MTHFD1L: variants seen among roughly 807,000 people sequenced by gnomAD.
MTHFD1L encodes the protein methylenetetrahydrofolate dehydrogenase (NADP+ dependent) 1 like, also known as monofunctional C1-tetrahydrofolate synthase, mitochondrial.
A neutral mutation model predicts 119.5 loss-of-function variants in MTHFD1L; 81 were observed. That is an observed-to-expected ratio of 0.68 (90% CI 0.57 to 0.82). The LOEUF (loss-of-function observed/expected upper bound fraction) is 0.82. MTHFD1L is among the 40% of genes least tolerant of loss of function. MTHFD1L has a pLI of 0.00. For synonymous variants in MTHFD1L, 430 were observed against 475.2 expected, an observed-to-expected ratio of 0.90 and a Z score of 1.24; for missense variants, 1,125 against 1,253.4, an observed-to-expected ratio of 0.90 and a Z score of 1.55.
chr6:150,960,124 A>T, intron 17 of MTHFD1L, 151 bp from the exon 18 acceptor site: 1 of 1,078,650 alleles, frequency 9.3e-7, no homozygotes, highest in Admixed American at 2.5e-5. Flanking sequence ...TGGTCCAGAC[A>T]CGCAGAAAAC....
chr6:150,932,996 A>G (rs923658612), intron 11 of MTHFD1L, among the ~76,000 whole-genome samples: 1 of 152,130 alleles, frequency 6.6e-6, no homozygotes, highest in African/African-American at 2.4e-5. Context: ...TGGGGGGAAA[A>G]CTAAACCAAA....
At chr6:151,050,537 A>C (rs1788855152) in intron 26 of MTHFD1L, among the ~76,000 whole-genome samples, 1 of 152,232 alleles carries the variant, frequency 6.6e-6, no homozygotes, top group South Asian at 2.1e-4. Flanking sequence ...CCAGCAAATT[A>C]ATCAAACCCA....
intron 26 of MTHFD1L, among the ~76,000 whole-genome samples, chr6:151,087,871 G>T (rs1355704468): frequency 6.6e-6 from 1 of 152,204 alleles, no homozygotes; most frequent in Non-Finnish European, 1.5e-5. Flanking sequence ...CAAAAGCCCA[G>T]GTATTTCAGC....
At chr6:150,966,315 GGA>G (rs1797209149) in intron 19 of MTHFD1L, among the ~76,000 whole-genome samples, 1 of 152,248 alleles carries the variant, frequency 6.6e-6, no homozygotes, top group Admixed American at 6.5e-5. Context: ...TGGCAGAACA[GGA>G]GAGAGAGGGC....
intron 7 of MTHFD1L, among the ~76,000 whole-genome samples, chr6:150,893,127 C>T (rs1028128604): frequency 3.9e-5 from 6 of 152,132 alleles, no homozygotes; most frequent in Non-Finnish European, 7.4e-5. Context: ...TGCAGTGGCG[C>T]GATCTCGGCT....
At chr6:151,017,408 A>T (rs950993157) in intron 24 of MTHFD1L, among the ~76,000 whole-genome samples, 1 of 151,118 alleles carries the variant, frequency 6.6e-6, no homozygotes, top group African/African-American at 2.4e-5. Context: ...GTGCAGAGGC[A>T]CCATCTCAGC....
chr6:151,046,668 CTCTTTCTTCTATG>C (rs1056154669), intron 26 of MTHFD1L, among the ~76,000 whole-genome samples: 7 of 151,894 alleles, frequency 4.6e-5, no homozygotes, highest in Non-Finnish European at 7.4e-5. Flanking sequence ...CATGGAATTG[CTCTTTCTTCTATG>C]TCTCTTAGTT....
intron 26 of MTHFD1L, among the ~76,000 whole-genome samples, chr6:151,084,200 G>A (rs1366585194): frequency 1.3e-5 from 2 of 152,066 alleles, no homozygotes; most frequent in Non-Finnish European, 2.9e-5. Flanking sequence ...AAAGAATCAA[G>A]ACAAAAGAAA....
intron 21 of MTHFD1L, among the ~76,000 whole-genome samples, 174 bp from the exon 22 acceptor site, chr6:151,013,605 A>G (rs904384655): frequency 3.3e-5 from 5 of 152,164 alleles, no homozygotes; most frequent in African/African-American, 1.2e-4. Flanking sequence ...GTGTTTTCTA[A>G]AAGCTTCCCG....
chr6:150,966,266 CA>C (rs1418687507), intron 19 of MTHFD1L, among the ~76,000 whole-genome samples: 1 of 152,088 alleles, frequency 6.6e-6, no homozygotes, highest in Non-Finnish European at 1.5e-5. Flanking sequence ...GGAAACTTAT[CA>C]TGGTGGAAGG....
intron 7 of MTHFD1L, among the ~76,000 whole-genome samples, chr6:150,889,392 C>T (rs1782858163): frequency 6.6e-6 from 1 of 151,848 alleles, no homozygotes; most frequent in African/African-American, 2.4e-5. Flanking sequence ...CTTAAGAGAC[C>T]CCAAAAGCAC....
At chr6:150,899,572 A>C (rs923878586) in intron 7 of MTHFD1L, among the ~76,000 whole-genome samples, 10 of 152,340 alleles carry the variant, frequency 6.6e-5, no homozygotes, top group African/African-American at 2.4e-4. Flanking sequence ...GATATGTTTT[A>C]ATACTGCAGG....
chr6:150,893,513 G>A (rs1034894783), intron 7 of MTHFD1L, among the ~76,000 whole-genome samples: 9 of 152,242 alleles, frequency 5.9e-5, no homozygotes, highest in African/African-American at 2.2e-4. Context: ...CTAAGTAGAA[G>A]GACGTTATCT....
intron 18 of MTHFD1L, among the ~76,000 whole-genome samples, chr6:150,963,254 T>A (rs1796714514): frequency 6.6e-6 from 1 of 152,162 alleles, no homozygotes; most frequent in Non-Finnish European, 1.5e-5. Context: ...TTCGTGTATG[T>A]ATAATGAGTG....
intron 26 of MTHFD1L, among the ~76,000 whole-genome samples, chr6:151,084,145 G>A: frequency 6.6e-6 from 1 of 152,088 alleles, no homozygotes; most frequent in East Asian, 1.9e-4. Context: ...TGTCACTGTT[G>A]GAGTTGCCAG....
At chr6:151,041,042 T>G (rs1787021817) in intron 26 of MTHFD1L, among the ~76,000 whole-genome samples, 2 of 152,218 alleles carry the variant, frequency 1.3e-5, no homozygotes, top group Non-Finnish European at 2.9e-5. Context: ...GAGTTCCTCC[T>G]GTGGCCACAC....
rs977183248 is a variant in MTHFD1L at position 151,028,730 on chromosome 6, G to A, written c.2587-5763G>A. On this transcript the variant is annotated intron_variant, in intron 24 of 27. Transcript: ENST00000367321. Reference sequence around the variant, plus strand: ...AGAGAGTTCTGGAGGTTGGTTGCCCGACACCATAAATGGACTTAACGCTAC... The same window carrying A: ...AGAGAGTTCTGGAGGTTGGTTGCCCAACACCATAAATGGACTTAACGCTAC... 3.3e-5 allele frequency among the ~76,000 whole-genome samples: 5 copies of A among 152,138 alleles called. No individual in the cohort carries two copies. In the East Asian group the frequency reaches 5.8e-4, roughly 18 times the overall value.
chr6:150,990,330 A>G (rs1196428660), intron 20 of MTHFD1L, among the ~76,000 whole-genome samples: 2 of 152,300 alleles, frequency 1.3e-5, no homozygotes, highest in African/African-American at 4.8e-5. Context: ...AACTAATTGT[A>G]AGTATCAGAA....
At chr6:151,000,879 T>A (rs1780518396) in intron 20 of MTHFD1L, among the ~76,000 whole-genome samples, 1 of 152,236 alleles carries the variant, frequency 6.6e-6, no homozygotes, top group Non-Finnish European at 1.5e-5. Flanking sequence ...AATGAGGTAC[T>A]GTCCAGCATA....
Sources: gnomAD v4.1 joint callset for allele counts (sites outside exome capture counted in the v4.1 genomes callset) on GRCh38, gnomAD v4.1.1 for gene constraint, MANE v1.5 for transcripts, NCBI Gene and HGNC (gene_info 2026-07-23, HGNC 2026-07-21) for gene names.